Variants in SPMIP3 observed in about 807,000 individuals in gnomAD.
The protein encoded by SPMIP3 is protein SPMIP3.
the SPMIP3 span, among the ~76,000 whole-genome samples, chr1:244,374,561 C>T: frequency 4.0e-5 from 6 of 150,902 alleles, no homozygotes; most frequent in African/African-American, 1.2e-4. Flanking sequence ...AGACAGAGCC[C>T]TCCGTTTACG....
At chr1:244,368,672 G>A in the SPMIP3 span, among the ~76,000 whole-genome samples, 1 of 152,224 alleles carries the variant, frequency 6.6e-6, no homozygotes, top group Non-Finnish European at 1.5e-5. Flanking sequence ...AATCGTTTAT[G>A]TGTGGTGTGT....
chr1:244,358,122 C>T, the SPMIP3 span, among the ~76,000 whole-genome samples: 1 of 151,786 alleles, frequency 6.6e-6, no homozygotes, highest in Non-Finnish European at 1.5e-5. Context: ...CCCAGCTGCT[C>T]GGGAGGCTAA....
chr1:244,373,609 T>C, the SPMIP3 span, among the ~76,000 whole-genome samples: 3 of 151,666 alleles, frequency 2.0e-5, no homozygotes. Context: ...AGATATTTTG[T>C]AATATCTCTG....
chr1:244,383,538 C>T, the SPMIP3 span, among the ~76,000 whole-genome samples: 1 of 152,084 alleles, frequency 6.6e-6, no homozygotes, highest in Admixed American at 6.6e-5. Flanking sequence ...AAAAGTCTAC[C>T]TGCCTTAAAT....
At chr1:244,385,401 CTA>C in the SPMIP3 span, among the ~76,000 whole-genome samples, 1 of 152,148 alleles carries the variant, frequency 6.6e-6, no homozygotes, top group African/African-American at 2.4e-5. Flanking sequence ...TGGGCACTGA[CTA>C]TGTGCAAGAC....
the SPMIP3 span, among the ~76,000 whole-genome samples, chr1:244,353,876 G>A: frequency 2.6e-5 from 4 of 152,030 alleles, no homozygotes; most frequent in Admixed American, 6.6e-5. Flanking sequence ...GCCTCTCATC[G>A]CACAGGCTCA....
At chr1:244,358,625 GTA>G in the SPMIP3 span, among the ~76,000 whole-genome samples, 230 of 92,666 alleles carry the variant, frequency 2.5e-3, no homozygotes, top group African/African-American at 6.9e-3. Context: ...GTGTGTGTGT[GTA>G]TATATATATA....
chr1:244,380,117 G>GTTTTTTTTTTTT, the SPMIP3 span, among the ~76,000 whole-genome samples: 3 of 132,172 alleles, frequency 2.3e-5, no homozygotes, highest in Non-Finnish European at 3.2e-5. Context: ...CATTCACAGA[G>GTTTTTTTTTTTT]TTTTTCTTTT....
the SPMIP3 span, chr1:244,378,376 G>A: frequency 1.9e-5 from 25 of 1,324,580 alleles, no homozygotes; most frequent in Admixed American, 8.2e-5. Context: ...TTAGCCTCAC[G>A]GCCGTTTCCA....
chr1:244,385,511 C>G, the SPMIP3 span, among the ~76,000 whole-genome samples: 4,007 of 152,168 alleles, frequency 0.026, 75 homozygotes, highest in South Asian at 0.077. Flanking sequence ...TATTACTCAC[C>G]CTGGTGCCAA....
chr1:244,365,588 G>A, the SPMIP3 span, among the ~76,000 whole-genome samples: 1 of 152,102 alleles, frequency 6.6e-6, no homozygotes, highest in Non-Finnish European at 1.5e-5. Flanking sequence ...CTTCATAGCA[G>A]TATGAAAATG....
chr1:244,362,927 T>C, the SPMIP3 span, among the ~76,000 whole-genome samples: 2 of 140,234 alleles, frequency 1.4e-5, no homozygotes, highest in Non-Finnish European at 3.0e-5. Context: ...CACTGCAACC[T>C]CCGCTTCCTG....
the SPMIP3 span, among the ~76,000 whole-genome samples, chr1:244,356,555 C>G: frequency 0.4 from 60,989 of 151,932 alleles, 12,809 homozygotes; most frequent in Middle Eastern, 0.5. Context: ...GTGATAAAAA[C>G]TTGTATTGTT....
chr1:244,368,935 G>A, the SPMIP3 span, among the ~76,000 whole-genome samples: 11 of 152,166 alleles, frequency 7.2e-5, no homozygotes, highest in South Asian at 2.1e-4. Flanking sequence ...CGAGGCAGGC[G>A]GATCATGAGG....
At chr1:244,366,943 A>T in the SPMIP3 span, among the ~76,000 whole-genome samples, 1 of 152,144 alleles carries the variant, frequency 6.6e-6, no homozygotes, top group African/African-American at 2.4e-5. Flanking sequence ...AAAGGAAATG[A>T]AAAAGGGTGT....
the SPMIP3 span, chr1:244,378,475 T>C: frequency 4.3e-6 from 7 of 1,612,630 alleles, no homozygotes; most frequent in African/African-American, 1.3e-5. Flanking sequence ...AGACCGCTCA[T>C]AGACTTGACA....
chr1:244,388,435 T>C, the SPMIP3 span, among the ~76,000 whole-genome samples: 1 of 149,812 alleles, frequency 6.7e-6, no homozygotes, highest in East Asian at 2.1e-4. Context: ...GCCTTTGCTA[T>C]TGACTGTTTT....
At chr1:244,361,645 G>A in the SPMIP3 span, among the ~76,000 whole-genome samples, 135 of 152,256 alleles carry the variant, frequency 8.9e-4, no homozygotes, top group African/African-American at 3.1e-3. Flanking sequence ...ATTACTCATT[G>A]TATGCTTATA....
At chr1:244,371,053 G>C in the SPMIP3 span, among the ~76,000 whole-genome samples, 19 of 152,148 alleles carry the variant, frequency 1.2e-4, no homozygotes, top group African/African-American at 4.3e-4. Flanking sequence ...CCAGGCTCTG[G>C]AGGGACCGAC....
Sources: allele counts gnomAD v4.1 joint callset (sites outside exome capture counted in the v4.1 genomes callset), GRCh38; gene constraint gnomAD v4.1.1; transcripts MANE v1.5; gene names NCBI Gene and HGNC (gene_info 2026-07-23, HGNC 2026-07-21).